The following ATAD3A variants were observed in gnomAD, a reference collection of about 807,000 sequenced individuals.
The protein encoded by ATAD3A is ATPase family AAA domain-containing protein 3A.
In ATAD3A, 46 loss-of-function variants were observed where a neutral mutation model predicts 73.8. The ratio of observed to expected loss-of-function variants is 0.62; its 90% CI spans 0.49 to 0.80. The LOEUF is 0.80. ATAD3A is among the 30% of genes least tolerant of loss of function. The probability of loss-of-function intolerance (pLI) is 0.00; values close to 1 mark genes in which losing one functional copy is unlikely to be tolerated. For missense variants in ATAD3A, 705 were observed against 838.0 expected (o/e 0.84, Z 1.96); for synonymous variants, 319 against 350.0 (o/e 0.91, Z 0.99).
chr1:1,527,278 C>G lies in ATAD3A; in HGVS notation c.1338-417C>G, dbSNP rs375564542. The G allele has an allele frequency of 1.0e-4, 129 of 1,237,224 alleles. No homozygotes were observed. In the Middle Eastern group the frequency reaches 1.3e-3, roughly 12 times the overall value. 76.6% of individuals were successfully genotyped at this position (1,237,224 alleles called of 1,614,324 possible). A position where few individuals can be genotyped will look rare whatever the true frequency, so the allele number is the denominator to read the frequency against. ...GTGGATGCTCCCTGGAGCCCTGACT[C>G]GGGTCCTTCCCAGAGAGGCAAGGCT... On this transcript the variant is annotated intron_variant, in intron 13 of 15. Coordinates refer to ENST00000378756, the MANE Select transcript of ATAD3A (RefSeq NM_001170535.3).
rs1178606328 is a variant in ATAD3A at position 1,520,124 on chromosome 1, C to T, written c.515-17C>T. ...CTGCACTGCATGGTGCTGAGCTGCC[C>T]TGCCTCTCTGGGGCAGCCACCGTGG... On this transcript the variant is annotated splice_polypyrimidine_tract_variant and intron_variant, in intron 5 of 15. Transcript: ENST00000378756. This position sits in a 1 kb window ranked among gnomAD's most constrained non-coding sequence, Gnocchi z 4.0. The T allele has an allele frequency of 1.9e-6, 3 of 1,606,704 alleles. No homozygotes were observed. The highest frequency in any genetic ancestry group is 2.2e-5 in the South Asian group (2 of 90,272).
chr1:1,529,654 C>G (rs1641969154), intron 15 of ATAD3A, among the ~76,000 whole-genome samples: 1 of 152,222 alleles, frequency 6.6e-6, no homozygotes, highest in Non-Finnish European at 1.5e-5. Flanking sequence ...GGCCAATAGG[C>G]ACCTCCCTGT....
intron 12 of ATAD3A, 137 bp from the exon 13 acceptor site, chr1:1,526,324 C>T: frequency 5.2e-6 from 8 of 1,524,600 alleles, no homozygotes; most frequent in Non-Finnish European, 5.3e-6. Flanking sequence ...TGGCCCTGGT[C>T]AGGCTTTTGA....
At chr1:1,526,254 C>T (rs915062718) in intron 12 of ATAD3A, among the ~76,000 whole-genome samples, 1 of 152,178 alleles carries the variant, frequency 6.6e-6, no homozygotes, top group South Asian at 2.1e-4. Context: ...CTCCTTACCT[C>T]GTGTGATCTG....
chr1:1,513,923 G>T (rs9439456), intron 1 of ATAD3A, among the ~76,000 whole-genome samples: 373 of 151,590 alleles, frequency 2.5e-3, no homozygotes, highest in African/African-American at 8.3e-3. Context: ...CATGCCGCCT[G>T]GTTCCCAGAG....
intron 8 of ATAD3A, 53 bp downstream of exon 8, chr1:1,522,952 C>G: frequency 3.1e-6 from 5 of 1,588,834 alleles, no homozygotes; most frequent in Non-Finnish European, 4.3e-6. Flanking sequence ...TGAGTCCCTT[C>G]TGCCCCACGA....
intron 1 of ATAD3A, among the ~76,000 whole-genome samples, chr1:1,514,624 G>A (rs181035989): frequency 2.8e-3 from 419 of 152,308 alleles, no homozygotes; most frequent in African/African-American, 9.4e-3. Context: ...CCAAAGCGTC[G>A]CTGCCTCTGT....
chr1:1,531,618 C>CA (rs943738521), intron 15 of ATAD3A, among the ~76,000 whole-genome samples: 28 of 140,952 alleles, frequency 2.0e-4, no homozygotes, highest in East Asian at 8.6e-4. Flanking sequence ...ATAAAAAATA[C>CA]AAAAAAAAAA....
chr1:1,513,685 A>G lies in ATAD3A; in HGVS notation c.205+1212A>G, dbSNP rs369454492. Reference sequence around the variant, plus strand: ...GCTGGCAGGTGAGAGAGGTTTCTCCAGAGTTGACTGCCCCCTTTCCCCGGG... The same window carrying G: ...GCTGGCAGGTGAGAGAGGTTTCTCCGGAGTTGACTGCCCCCTTTCCCCGGG... On this transcript the variant is annotated intron_variant, in intron 1 of 15. Transcript: ENST00000378756. 4.8e-3 allele frequency among the ~76,000 whole-genome samples: 729 copies of G among 151,524 alleles called. 5 individuals are homozygous for G. The highest frequency in any genetic ancestry group is 0.015 in the African/African-American group (628 of 41,088).
chr1:1,517,076 C>T (rs1018719344), intron 2 of ATAD3A: 93 of 1,511,950 alleles, frequency 6.2e-5, no homozygotes, highest in Admixed American at 1.4e-4. Flanking sequence ...AGGGGGTGTC[C>T]GGCCTCCCTC....
intron 7 of ATAD3A, among the ~76,000 whole-genome samples, chr1:1,521,329 A>AAC (rs1641591785): frequency 6.7e-6 from 1 of 149,442 alleles, no homozygotes; most frequent in East Asian, 2.0e-4. Flanking sequence ...AAAAAAAAAA[A>AAC]CCAGAAGGCA....
intron 15 of ATAD3A, among the ~76,000 whole-genome samples, chr1:1,532,785 G>A (rs945341217): frequency 1.3e-5 from 2 of 151,918 alleles, no homozygotes; most frequent in East Asian, 1.9e-4. Flanking sequence ...CCTGGGCCCC[G>A]GACCCACAGT....
chr1:1,522,630 G>C (rs757347791), intron 7 of ATAD3A, 114 bp from the exon 8 acceptor site: 6 of 1,541,498 alleles, frequency 3.9e-6, no homozygotes, highest in East Asian at 4.6e-5. Context: ...GCCAGTGCAC[G>C]GCCCTGTGCT....
chr1:1,527,033 G>T, intron 13 of ATAD3A: 2 of 523,058 alleles, frequency 3.8e-6, no homozygotes, highest in Non-Finnish European at 6.2e-6. Flanking sequence ...GGGCCCACCC[G>T]ACTTTGTGTG....
At chr1:1,525,620 T>C (rs537966677) in intron 12 of ATAD3A, among the ~76,000 whole-genome samples, 1 of 152,246 alleles carries the variant, frequency 6.6e-6, no homozygotes, top group South Asian at 2.1e-4. Flanking sequence ...TTCACCGTGT[T>C]AGCCAGGATG....
intron 11 of ATAD3A, among the ~76,000 whole-genome samples, chr1:1,524,677 G>A (rs1641738079): frequency 7.4e-6 from 1 of 134,746 alleles, no homozygotes; most frequent in Admixed American, 7.1e-5. Flanking sequence ...CTTCACAGCT[G>A]CAGGGGAGGC....
At chr1:1,512,695 G>C in intron 1 of ATAD3A, 1 of 1,266,428 alleles carries the variant, frequency 7.9e-7, no homozygotes, top group Non-Finnish European at 1.0e-6. Flanking sequence ...GGTCAGGTGC[G>C]GAAAGCGGTG....
intron 2 of ATAD3A, among the ~76,000 whole-genome samples, 154 bp downstream of exon 2, chr1:1,516,242 G>A (rs1364183216): frequency 6.8e-6 from 1 of 147,982 alleles, no homozygotes; most frequent in African/African-American, 2.7e-5. Context: ...TTCACAGAAG[G>A]AAACAAAGGG....
At chr1:1,521,298 CAAA>C (rs1001385922) in intron 7 of ATAD3A, among the ~76,000 whole-genome samples, 146 of 25,300 alleles carry the variant, frequency 5.8e-3, no homozygotes, top group Non-Finnish European at 0.012. Context: ...GGCTTCTTCT[CAAA>C]AAAAAAAAAA....
Sources: allele counts gnomAD v4.1 joint callset (sites outside exome capture counted in the v4.1 genomes callset), GRCh38; gene constraint gnomAD v4.1.1; non-coding constraint Gnocchi (gnomAD v3.1); transcripts MANE v1.5; gene names NCBI Gene and HGNC (gene_info 2026-07-23, HGNC 2026-07-21).